IER5L: variants seen among roughly 807,000 people sequenced by gnomAD.
IER5L encodes immediate early response gene 5-like protein.
IER5L carries 6 observed loss-of-function variants against 28.3 expected under a neutral mutation model. That is an observed-to-expected ratio of 0.21 (90% CI 0.12 to 0.42). The LOEUF (loss-of-function observed/expected upper bound fraction) is 0.42. IER5L is among the 10% of genes least tolerant of loss of function. The probability of loss-of-function intolerance (pLI) is 1.00; values close to 1 mark genes in which losing one functional copy is unlikely to be tolerated. For synonymous variants in IER5L, 351 were observed against 282.5 expected, an observed-to-expected ratio of 1.24 and a Z score of -2.43; for missense variants, 607 against 575.2, an observed-to-expected ratio of 1.06 and a Z score of -0.56.
At position 129,177,067 on chromosome 9, in the gene IER5L, G is replaced by T; in HGVS notation, c.986C>A (p.Ala329Asp). Residue 329 changes from alanine to aspartate, a missense_variant, in exon 1 of 1, where the codon GCC becomes GAC. Physicochemically the swap from Ala to Asp is moderately radical, Grantham distance 126. Transcript: ENST00000372491. ...GGLGAEPPGG[A>D]PFAPCKRARF... ...GGCGCGCTTGCAGGGGGCGAACGGG[G>T]CGCCCCCGGGGGGCTCGGCCCCCAG... is the stretch of plus-strand genomic sequence containing the variant. 6.6e-7 allele frequency: 1 copy of T among 1,503,818 alleles called. No individual in the cohort carries two copies. The highest frequency in any genetic ancestry group is 8.9e-7 in the Non-Finnish European group (1 of 1,127,152). 93.2% of individuals were successfully genotyped at this position (1,503,818 alleles called of 1,614,324 possible). A position where few individuals can be genotyped will look rare whatever the true frequency, so the allele number is the denominator to read the frequency against.
At position 129,177,517 on chromosome 9, in the gene IER5L, T is replaced by C. The variant is rs925070674; in HGVS notation, c.536A>G (p.Gln179Arg). The change falls in exon 1 of 1, where the codon CAG becomes CGG. Residue 179 changes from glutamine to arginine, a missense_variant. Transcript: ENST00000372491. ...PHRGQPLEPL[Q>R]PGPAPLPLPL... is the part of the protein sequence containing the mutation. ...CAGCGGCAGCGGCGCAGGACCCGGC[T>C]GCAGAGGCTCCAAGGGCTGCCCGCG... 7.1e-6 allele frequency: 7 copies of C among 990,088 alleles called. No homozygotes were observed. The African/African-American group carries it at 1.1e-4, about 15-fold the overall frequency. The allele number at this position is 990,088 out of a possible 1,614,324, so 61.3% of individuals were successfully genotyped here.
In IER5L at chr9:129,178,174, G is replaced by A. The variant is rs1829444866; in HGVS notation, c.-122C>T. On this transcript the variant is annotated 5_prime_UTR_variant, in exon 1 of 1. Transcript: ENST00000372491. ...AGGGGTAACGGAGTCCGGGTCAGAG[G>A]TTCGGCTGCGCTCCGAAAGGAGCCG... 4.9e-6 allele frequency: 4 copies of A among 821,530 alleles called. No homozygotes were observed. 50.9% of individuals were successfully genotyped at this position (821,530 alleles called of 1,614,324 possible).
In IER5L at chr9:129,177,719, G is replaced by A; in HGVS notation, c.334C>T (p.His112Tyr). 2 of 1,442,236 alleles carry A rather than the reference G, an allele frequency of 1.4e-6. No individual in the cohort carries two copies. Among genetic ancestry groups the A allele is most frequent in the Non-Finnish European group, 1.8e-6 (2 of 1,101,804 alleles). The allele number at this position is 1,442,236 out of a possible 1,614,324, so 89.3% of individuals were successfully genotyped here. A position where few individuals can be genotyped will look rare whatever the true frequency, so the allele number is the denominator to read the frequency against. Residue 112 changes from histidine (H) to tyrosine (Y), a missense_variant, in exon 1 of 1, where the codon CAC (histidine) becomes TAC (tyrosine). By Grantham distance (83) the His-to-Tyr change is moderately conservative. Coordinates refer to ENST00000372491, the MANE Select transcript of IER5L (RefSeq NM_203434.3). Reference sequence around the variant, plus strand: ...AGCTGGTGGAGCTGGTGGAGCTGGTGCAGCTGGTGCCGGGCGGCCGGCTCG... The same window carrying A: ...AGCTGGTGGAGCTGGTGGAGCTGGTACAGCTGGTGCCGGGCGGCCGGCTCG... ...AREPAARHQL[H>Y]QLHQLHQLHL... is the part of the protein sequence containing the mutation.
In IER5L at chr9:129,177,986, T is replaced by C. The variant is rs1829440485; in HGVS notation, c.67A>G (p.Thr23Ala). 6.3e-6 allele frequency: 10 copies of C among 1,577,374 alleles called. No individual in the cohort carries two copies. Among genetic ancestry groups the C allele is most frequent in the Non-Finnish European group, 7.7e-6 (9 of 1,164,314 alleles). ...ISLRKIHSSR[T>A]QRGGIKLHKN... is the part of the protein sequence containing the mutation. The stretch of plus-strand genomic sequence containing the variant: ...TGCAGCTTGATGCCGCCGCGCTGGG[T>C]TCGGGAGCTGTGGATCTTGCGCAGG... Residue 23 changes from threonine (T) to alanine (A), a missense_variant, in exon 1 of 1, where the codon ACC becomes GCC. Physicochemically the swap from Thr to Ala is moderately conservative, Grantham distance 58. Transcript: ENST00000372491.
Position 129,176,272 on chromosome 9 carries a change from A to G in IER5L, c.*566T>C, listed in dbSNP as rs1245313604. ...TTTGAGAACTTTGGAGTCCGCCCCC[A>G]GAGAGGAAATGTGACCCAAACGTCC... On this transcript the variant is annotated 3_prime_UTR_variant, in exon 1 of 1. Transcript: ENST00000372491. The G allele has an allele frequency of 6.6e-6, 1 of 152,254 alleles. No individual in the cohort carries two copies. Among genetic ancestry groups the G allele is most frequent in the Non-Finnish European group, 1.5e-5 (1 of 68,036 alleles). 9.4% of individuals were successfully genotyped at this position (152,254 alleles called of 1,614,324 possible). A position where few individuals can be genotyped will look rare whatever the true frequency, so the allele number is the denominator to read the frequency against.
Position 129,177,811 on chromosome 9 carries a change from C to G in IER5L, c.242G>C (p.Gly81Ala), listed in dbSNP as rs1411927775. ...QHQHLAYAAP[G>A]MPASAADFGP... ...GAAGTCGGCCGCGCTGGCCGGCATG[C>G]CCGGCGCCGCGTACGCTAGGTGCTG... Residue 81 changes from glycine (G) to alanine (A), a missense_variant, in exon 1 of 1, where the codon GGC becomes GCC. By Grantham distance (60) the Gly-to-Ala change is moderately conservative. Coordinates refer to ENST00000372491, the MANE Select transcript of IER5L (RefSeq NM_203434.3). 1 of 1,511,124 alleles carries G rather than the reference C, an allele frequency of 6.6e-7. No individual in the cohort carries two copies. The highest frequency in any genetic ancestry group is 1.4e-5 in the African/African-American group (1 of 69,042). The allele number at this position is 1,511,124 out of a possible 1,614,324, so 93.6% of individuals were successfully genotyped here.
rs1164878256 is a variant in IER5L, at chr9:129,176,589, AAG to A, written c.*247_*248del. ...GCAATCACTACAATAAAAAGAAAAA[AAG>A]GAGTAGGAGAAACACAAAGCATACT... On this transcript the variant is annotated 3_prime_UTR_variant, in exon 1 of 1. Coordinates refer to ENST00000372491, the MANE Select transcript of IER5L (RefSeq NM_203434.3). 2.7e-6 allele frequency: 1 copy of A among 370,430 alleles called. No individual in the cohort carries two copies. Among genetic ancestry groups the A allele is most frequent in the Non-Finnish European group, 4.6e-6 (1 of 217,562 alleles). 22.9% of individuals were successfully genotyped at this position (370,430 alleles called of 1,614,324 possible).
chr9:129,177,315 G>A lies in IER5L; in HGVS notation c.738C>T (p.Phe246=), dbSNP rs371039128. ...YRGAYPTPSD[F]GLHCSSQTTV... ...TGGTCTGGCTGCTGCAGTGCAAGCC[G>A]AAGTCCGAAGGGGTAGGGTATGCGC... The change falls in exon 1 of 1, where the codon TTC becomes TTT. Residue 246 remains phenylalanine (F), a synonymous_variant. Coordinates refer to ENST00000372491, the MANE Select transcript of IER5L (RefSeq NM_203434.3). 29 of 1,419,762 alleles carry A rather than the reference G, an allele frequency of 2.0e-5. No individual in the cohort carries two copies. The highest frequency in any genetic ancestry group is 2.4e-5 in the Non-Finnish European group (26 of 1,089,660). 87.9% of individuals were successfully genotyped at this position (1,419,762 alleles called of 1,614,324 possible). A position where few individuals can be genotyped will look rare whatever the true frequency, so the allele number is the denominator to read the frequency against.
chr9:129,177,054 G>T lies in IER5L; in HGVS notation c.999C>A (p.Pro333=). 6.6e-7 allele frequency: 1 copy of T among 1,521,654 alleles called. No homozygotes were observed. The highest frequency in any genetic ancestry group is 8.8e-7 in the Non-Finnish European group (1 of 1,136,052). 94.3% of individuals were successfully genotyped at this position (1,521,654 alleles called of 1,614,324 possible). A position where few individuals can be genotyped will look rare whatever the true frequency, so the allele number is the denominator to read the frequency against. Residue 333 remains proline (P), a synonymous_variant, in exon 1 of 1, where the codon CCC becomes CCA. Transcript: ENST00000372491. ...AEPPGGAPFA[P]CKRARFEDFC... ...AGTCCTCGAAGCGGGCGCGCTTGCA[G>T]GGGGCGAACGGGGCGCCCCCGGGGG...
rs1483327402 is a variant in IER5L at position 129,175,671 on chromosome 9, G to A, written c.*1167C>T. On this transcript the variant is annotated 3_prime_UTR_variant, in exon 1 of 1. Transcript: ENST00000372491. This position sits in a 1 kb window ranked among gnomAD's most constrained non-coding sequence, Gnocchi z 5.2. ...TAATGAGGGAAAAGGGCCGAGAAAGGAAGGATTGGCAACTCGTTTTGGAGT... is the reference window on the plus strand; with the variant it reads ...TAATGAGGGAAAAGGGCCGAGAAAGAAAGGATTGGCAACTCGTTTTGGAGT... 1.3e-5 allele frequency: 2 copies of A among 152,266 alleles called. No individual in the cohort carries two copies. The highest frequency in any genetic ancestry group is 2.4e-5 in the African/African-American group (1 of 41,460). 9.4% of individuals were successfully genotyped at this position (152,266 alleles called of 1,614,324 possible). A position where few individuals can be genotyped will look rare whatever the true frequency, so the allele number is the denominator to read the frequency against.
rs911708572 is a variant in IER5L at position 129,176,624 on chromosome 9, G to A, written c.*214C>T. 5 of 561,382 alleles carry A rather than the reference G, an allele frequency of 8.9e-6. No individual in the cohort carries two copies. The highest frequency in any genetic ancestry group is 7.9e-5 in the African/African-American group (4 of 50,872). 34.8% of individuals were successfully genotyped at this position (561,382 alleles called of 1,614,324 possible). A position where few individuals can be genotyped will look rare whatever the true frequency, so the allele number is the denominator to read the frequency against. On this transcript the variant is annotated 3_prime_UTR_variant, in exon 1 of 1. Coordinates refer to ENST00000372491, the MANE Select transcript of IER5L (RefSeq NM_203434.3). ...AGAAACACAAAGCATACTTAAATAG[G>A]CGCTTTTTCTCTCTGCAAAAATAAA...
Position 129,177,430 on chromosome 9 carries a change from C to G in IER5L, c.623G>C (p.Cys208Ser). 4 of 1,207,720 alleles carry G rather than the reference C, an allele frequency of 3.3e-6. No individual in the cohort carries two copies. Among genetic ancestry groups the G allele is most frequent in the Non-Finnish European group, 3.1e-6 (3 of 973,306 alleles). 74.8% of individuals were successfully genotyped at this position (1,207,720 alleles called of 1,614,324 possible). Residue 208 changes from cysteine (C) to serine (S), a missense_variant, in exon 1 of 1, where the codon TGC becomes TCC. Cys to Ser is a moderately radical substitution (Grantham distance 112). Coordinates refer to ENST00000372491, the MANE Select transcript of IER5L (RefSeq NM_203434.3). ...CPRDPRAPAA[C>S]SAPPGAAPPA... ...AGGGGCGGCCCCTGGGGGCGCGGAG[C>G]AGGCGGCCGGGGCGCGAGGGTCCCG...
chr9:129,177,093 C>A lies in IER5L; in HGVS notation c.960G>T (p.Gly320=). The change falls in exon 1 of 1, where the codon GGG becomes GGT. Residue 320 remains glycine (G), a synonymous_variant. Transcript: ENST00000372491. The part of the protein sequence containing the change: ...EEEDDEEDAG[G]LGAEPPGGAP... Reference sequence around the variant, plus strand: ...CGCCCCCGGGGGGCTCGGCCCCCAGCCCGCCCGCATCCTCCTCGTCGTCTT... The same window carrying A: ...CGCCCCCGGGGGGCTCGGCCCCCAGACCGCCCGCATCCTCCTCGTCGTCTT... 1 of 1,462,648 alleles carries A rather than the reference C, an allele frequency of 6.8e-7. No homozygotes were observed. Among genetic ancestry groups the A allele is most frequent in the African/African-American group, 1.5e-5 (1 of 67,326 alleles). 90.6% of individuals were successfully genotyped at this position (1,462,648 alleles called of 1,614,324 possible). A position where few individuals can be genotyped will look rare whatever the true frequency, so the allele number is the denominator to read the frequency against.
Position 129,177,419 on chromosome 9 carries a change from G to A in IER5L, c.634C>T (p.Pro212Ser), listed in dbSNP as rs1829428850. The A allele has an allele frequency of 5.7e-6, 7 of 1,222,618 alleles. No individual in the cohort carries two copies. The highest frequency in any genetic ancestry group is 7.1e-6 in the Non-Finnish European group (7 of 982,898). 75.7% of individuals were successfully genotyped at this position (1,222,618 alleles called of 1,614,324 possible). ...GCGGCGGCCGGAGGGGCGGCCCCTGGGGGCGCGGAGCAGGCGGCCGGGGCG... is the reference window on the plus strand; with the variant it reads ...GCGGCGGCCGGAGGGGCGGCCCCTGAGGGCGCGGAGCAGGCGGCCGGGGCG... ...PRAPAACSAPPGAAPPAAAAS... is the reference protein window; with the variant it reads ...PRAPAACSAPSGAAPPAAAAS... The change falls in exon 1 of 1, where the codon CCA (proline) becomes TCA (serine). Residue 212 changes from proline to serine, a missense_variant. By Grantham distance (74) the Pro-to-Ser change is moderately conservative. Transcript: ENST00000372491.
At position 129,175,904 on chromosome 9, in the gene IER5L, T is replaced by C. The variant is rs1829386134; in HGVS notation, c.*934A>G. 1.3e-5 allele frequency: 2 copies of C among 152,256 alleles called. No individual in the cohort carries two copies. The highest frequency in any genetic ancestry group is 4.8e-5 in the African/African-American group (2 of 41,444). 9.4% of individuals were successfully genotyped at this position (152,256 alleles called of 1,614,324 possible). On this transcript the variant is annotated 3_prime_UTR_variant, in exon 1 of 1. Coordinates refer to ENST00000372491, the MANE Select transcript of IER5L (RefSeq NM_203434.3). This position sits in a 1 kb window ranked among gnomAD's most constrained non-coding sequence, Gnocchi z 5.2. ...GAAGCACACACACAAACACCACAGC[T>C]GACCAGGAACTTAGTGCAAAGTCTC...
In IER5L at chr9:129,175,814, A is replaced by C. The variant is rs1409481319; in HGVS notation, c.*1024T>G. 6.6e-6 allele frequency: 1 copy of C among 152,180 alleles called. No homozygotes were observed. The highest frequency in any genetic ancestry group is 1.5e-5 in the Non-Finnish European group (1 of 68,028). 9.4% of individuals were successfully genotyped at this position (152,180 alleles called of 1,614,324 possible). On this transcript the variant is annotated 3_prime_UTR_variant, in exon 1 of 1. Coordinates refer to ENST00000372491, the MANE Select transcript of IER5L (RefSeq NM_203434.3). The surrounding 1 kb of genome is among the most constrained non-coding windows in gnomAD (Gnocchi z 5.2). The stretch of plus-strand genomic sequence containing the variant: ...GCTGAAGACACAGGACGGGGTTCTC[A>C]CAGGCTCGAACAATGCTGGTTTCAT...
chr9:129,177,795 C>G lies in IER5L; in HGVS notation c.258G>C (p.Ala86=). 2 of 1,495,376 alleles carry G rather than the reference C, an allele frequency of 1.3e-6. No individual in the cohort carries two copies. The highest frequency in any genetic ancestry group is 1.8e-6 in the Non-Finnish European group (2 of 1,127,484). The allele number at this position is 1,495,376 out of a possible 1,614,324, so 92.6% of individuals were successfully genotyped here. ...CAAGTTGGAGCGGGCCGAAGTCGGC[C>G]GCGCTGGCCGGCATGCCCGGCGCCG... is the stretch of plus-strand genomic sequence containing the variant. ...AYAAPGMPAS[A]ADFGPLQLGG... Residue 86 remains alanine, a synonymous_variant, in exon 1 of 1, where the codon GCG becomes GCC. Coordinates refer to ENST00000372491, the MANE Select transcript of IER5L (RefSeq NM_203434.3).
At position 129,177,059 on chromosome 9, in the gene IER5L, C is replaced by A. The variant is rs1829414215; in HGVS notation, c.994G>T (p.Ala332Ser). The A allele has an allele frequency of 4.6e-6, 7 of 1,516,514 alleles. No homozygotes were observed. Among genetic ancestry groups the A allele is most frequent in the Non-Finnish European group, 6.2e-6 (7 of 1,133,376 alleles). The allele number at this position is 1,516,514 out of a possible 1,614,324, so 93.9% of individuals were successfully genotyped here. A position where few individuals can be genotyped will look rare whatever the true frequency, so the allele number is the denominator to read the frequency against. ...GAEPPGGAPFAPCKRARFEDF... is the reference protein window; with the variant it reads ...GAEPPGGAPFSPCKRARFEDF... ...TCGAAGCGGGCGCGCTTGCAGGGGG[C>A]GAACGGGGCGCCCCCGGGGGGCTCG... is the stretch of plus-strand genomic sequence containing the variant. Residue 332 changes from alanine (A) to serine (S), a missense_variant, in exon 1 of 1, where the codon GCC becomes TCC. Ala to Ser is a moderately conservative substitution (Grantham distance 99, BLOSUM62 1). Transcript: ENST00000372491.
Position 129,177,225 on chromosome 9 carries a change from G to C in IER5L, c.828C>G (p.Cys276Trp), listed in dbSNP as rs758427812. 2 of 1,471,222 alleles carry C rather than the reference G, an allele frequency of 1.4e-6. No homozygotes were observed. Among genetic ancestry groups the C allele is most frequent in the Non-Finnish European group, 1.8e-6 (2 of 1,120,704 alleles). 91.1% of individuals were successfully genotyped at this position (1,471,222 alleles called of 1,614,324 possible). ...AGCAGGGGCAGTGGGCGGAGGCGCA[G>C]CAGTCCTGGTGCAAGTAGCCGTTCT... ...TVENGYLHQD[C>W]CASAHCPCCG... Residue 276 changes from cysteine (C) to tryptophan (W), a missense_variant, in exon 1 of 1, where the codon TGC becomes TGG. Coordinates refer to ENST00000372491, the MANE Select transcript of IER5L (RefSeq NM_203434.3).
Sources: gnomAD v4.1 joint callset for allele counts on GRCh38, gnomAD v4.1.1 for gene constraint, Gnocchi (gnomAD v3.1) non-coding constraint, MANE v1.5 for transcripts, NCBI Gene and HGNC (gene_info 2026-07-23, HGNC 2026-07-21) for gene names.